Variants in SMYD3 observed in about 807,000 individuals in gnomAD.
The protein encoded by SMYD3 is SET and MYND domain containing 3, also known as histone-lysine N-methyltransferase SMYD3.
In SMYD3, 36 loss-of-function variants were observed where a neutral mutation model predicts 57.7. The ratio of observed to expected loss-of-function variants is 0.62; its 90% CI spans 0.48 to 0.82. The LOEUF is 0.82. Ranked by LOEUF, SMYD3 falls within the 40% of genes least tolerant of loss-of-function variation. The pLI is 0.00. For missense variants in SMYD3, 515 were observed against 538.8 expected, an observed-to-expected ratio of 0.96 and a Z score of 0.44; for synonymous variants, 211 against 195.0, an observed-to-expected ratio of 1.08 and a Z score of -0.68.
intron 5 of SMYD3, among the ~76,000 whole-genome samples, chr1:246,137,036 C>T (rs1462165531): frequency 2.6e-5 from 4 of 152,126 alleles, no homozygotes; most frequent in African/African-American, 4.8e-5. Context: ...CCAAGGACTA[C>T]GAGCTAAGCA....
chr1:246,316,766 C>A (rs147416910), intron 5 of SMYD3, among the ~76,000 whole-genome samples: 18,715 of 149,770 alleles, frequency 0.12, 1,610 homozygotes, highest in East Asian at 0.31. Flanking sequence ...GAGGCCGAGG[C>A]GAGCGGATCA....
chr1:246,311,848 T>C (rs781421038), intron 5 of SMYD3, among the ~76,000 whole-genome samples: 4 of 152,194 alleles, frequency 2.6e-5, no homozygotes, highest in African/African-American at 9.7e-5. Flanking sequence ...AAATACCCTA[T>C]GGACATTAGT....
chr1:246,166,388 G>A (rs1043543835), intron 5 of SMYD3, among the ~76,000 whole-genome samples: 1 of 152,188 alleles, frequency 6.6e-6, no homozygotes, highest in African/African-American at 2.4e-5. Flanking sequence ...ACCCTGATTA[G>A]GAGGAGGATA....
At chr1:246,295,471 G>A (rs890417323) in intron 5 of SMYD3, among the ~76,000 whole-genome samples, 1 of 152,162 alleles carries the variant, frequency 6.6e-6, no homozygotes, top group African/African-American at 2.4e-5. Context: ...GTCAGGGAAA[G>A]GTCTCCAATT....
chr1:246,008,976 C>T (rs951415585), intron 5 of SMYD3, among the ~76,000 whole-genome samples: 5 of 152,208 alleles, frequency 3.3e-5, no homozygotes, highest in Non-Finnish European at 4.4e-5. Context: ...GTACCGCTTG[C>T]TAGCAGCGTG....
intron 1 of SMYD3, among the ~76,000 whole-genome samples, chr1:246,481,724 T>C (rs1416201348): frequency 6.9e-6 from 1 of 145,894 alleles, no homozygotes; most frequent in Non-Finnish European, 1.5e-5. Flanking sequence ...ATATATGAAC[T>C]GATATGAGTA....
intron 5 of SMYD3, among the ~76,000 whole-genome samples, chr1:246,172,812 C>T (rs376852475): frequency 6.6e-6 from 1 of 150,468 alleles, no homozygotes; most frequent in Non-Finnish European, 1.5e-5. Flanking sequence ...TTAGGCTACA[C>T]AGGCCTAGAA....
intron 1 of SMYD3, among the ~76,000 whole-genome samples, chr1:246,365,757 T>C (rs10924707): frequency 0.056 from 8,449 of 152,204 alleles, 335 homozygotes; most frequent in African/African-American, 0.09. Flanking sequence ...AGTATCTTTA[T>C]TGTAGGAAAC....
intron 7 of SMYD3, among the ~76,000 whole-genome samples, chr1:245,917,501 G>A (rs1162395335): frequency 6.6e-6 from 1 of 152,052 alleles, no homozygotes; most frequent in Non-Finnish European, 1.5e-5. Flanking sequence ...GCTCCACCAG[G>A]CTGGCCTCCC....
intron 5 of SMYD3, among the ~76,000 whole-genome samples, chr1:245,980,270 T>C (rs1222990903): frequency 6.6e-6 from 1 of 152,218 alleles, no homozygotes; most frequent in Non-Finnish European, 1.5e-5. Flanking sequence ...TGGTCACTTT[T>C]GCTCTCCTTG....
intron 5 of SMYD3, among the ~76,000 whole-genome samples, chr1:246,246,862 A>C (rs1336171264): frequency 1.3e-5 from 2 of 148,530 alleles, no homozygotes; most frequent in Non-Finnish European, 3.0e-5. Flanking sequence ...TATATGTAAC[A>C]CATATATTAC....
At chr1:246,466,503 C>A (rs967213414) in intron 1 of SMYD3, among the ~76,000 whole-genome samples, 2 of 152,038 alleles carry the variant, frequency 1.3e-5, no homozygotes, top group Non-Finnish European at 2.9e-5. Context: ...TAAAGAGGGA[C>A]AACAGACACT....
chr1:246,173,935 T>C (rs1254077289), intron 5 of SMYD3, among the ~76,000 whole-genome samples: 1 of 151,952 alleles, frequency 6.6e-6, no homozygotes, highest in Non-Finnish European at 1.5e-5. Context: ...GCCTCCTGAG[T>C]ACCCAGGACT....
chr1:246,170,630 G>A (rs1467563439), intron 5 of SMYD3, among the ~76,000 whole-genome samples: 3 of 151,994 alleles, frequency 2.0e-5, no homozygotes, highest in Non-Finnish European at 2.9e-5. Flanking sequence ...AAGACTGCCT[G>A]TCTTAAACTC....
At chr1:245,850,048 A>T (rs1307455417) in intron 10 of SMYD3, among the ~76,000 whole-genome samples, 3 of 151,958 alleles carry the variant, frequency 2.0e-5, no homozygotes, top group Non-Finnish European at 4.4e-5. Flanking sequence ...ATTATGTATA[A>T]CTTGGGGTTT....
At chr1:246,206,776 G>A (rs1402279179) in intron 5 of SMYD3, among the ~76,000 whole-genome samples, 1 of 152,132 alleles carries the variant, frequency 6.6e-6, no homozygotes, top group East Asian at 1.9e-4. Flanking sequence ...CTTTAATAAA[G>A]CTCTGAAAAA....
chr1:246,165,728 G>T (rs1424829647), intron 5 of SMYD3, among the ~76,000 whole-genome samples: 1 of 151,322 alleles, frequency 6.6e-6, no homozygotes, highest in Admixed American at 6.6e-5. Context: ...GGGGAGTGGA[G>T]AAGGTGGCTT....
chr1:246,409,481 G>C (rs1214732632), intron 1 of SMYD3, among the ~76,000 whole-genome samples: 1 of 152,208 alleles, frequency 6.6e-6, no homozygotes, highest in Non-Finnish European at 1.5e-5. Context: ...AGATGAGATA[G>C]TTGTAGATAT....
At chr1:245,859,511 G>A (rs116708015) in intron 9 of SMYD3, among the ~76,000 whole-genome samples, 2,779 of 152,300 alleles carry the variant, frequency 0.018, 89 homozygotes, top group African/African-American at 0.061. Context: ...GTCTTACAGA[G>A]GCAGTCAGAG....
Sources: allele counts gnomAD v4.1 joint callset (sites outside exome capture counted in the v4.1 genomes callset), GRCh38; gene constraint gnomAD v4.1.1; transcripts MANE v1.5; gene names NCBI Gene and HGNC (gene_info 2026-07-23, HGNC 2026-07-21).